The following PLD5 variants were observed in gnomAD, a reference collection of about 807,000 sequenced individuals.
PLD5 encodes the protein phospholipase D family member 5.
In PLD5, 36 loss-of-function variants were observed where a neutral mutation model predicts 61.1. The ratio of observed to expected loss-of-function variants is 0.59; its 90% CI spans 0.45 to 0.78. The LOEUF (loss-of-function observed/expected upper bound fraction) is 0.78, where lower values mean the gene tolerates loss of function less well. Among genes scored for constraint, PLD5 ranks in the 30% least tolerant of loss-of-function variants. PLD5 has a pLI of 0.00. For missense variants in PLD5, 515 were observed against 644.4 expected (o/e 0.80, Z 2.17); for synonymous variants, 243 against 242.8 (o/e 1.00, Z -0.01).
chr1:242,422,449 T>C (rs1226087020), intron 1 of PLD5, among the ~76,000 whole-genome samples: 1 of 152,188 alleles, frequency 6.6e-6, no homozygotes, highest in Non-Finnish European at 1.5e-5. Context: ...CTATAATAAA[T>C]TTCCTAGTAA....
At chr1:242,474,172 C>T (rs921315042) in intron 1 of PLD5, among the ~76,000 whole-genome samples, 2 of 152,212 alleles carry the variant, frequency 1.3e-5, no homozygotes, top group African/African-American at 4.8e-5. Flanking sequence ...TTTGCCATTA[C>T]TTGCAATGGC....
chr1:242,113,999 T>C lies in PLD5; in HGVS notation c.961A>G (p.Asn321Asp). The C allele has an allele frequency of 6.2e-7, 1 of 1,613,872 alleles. No individual in the cohort carries two copies. The highest frequency in any genetic ancestry group is 1.3e-5 in the African/African-American group (1 of 75,074). Residue 321 changes from asparagine (N) to aspartate (D), a missense_variant, in exon 7 of 10, where the codon AAC becomes GAC. Asn to Asp is a conservative substitution (Grantham distance 23). Coordinates refer to ENST00000536534, the MANE Select transcript of PLD5 (RefSeq NM_001372062.1). ...ATGGCATCTATGTCAAAACTTCTGT[T>C]TTTAGGGCAAAAGAGTTTTGGAGAA... ...SNSPKLFCPK[N>D]RSFDIDAIYS... is the part of the protein sequence containing the mutation.
At chr1:242,528,734 C>T (rs1400792573), upstream of PLD5, among the ~76,000 whole-genome samples, 1 of 152,176 alleles carries the variant, frequency 6.6e-6, no homozygotes, top group Non-Finnish European at 1.5e-5. Context: ...GTTAAATGAC[C>T]TGCCCAAAGC....
At chr1:242,184,843 T>C (rs768052221) in intron 5 of PLD5, among the ~76,000 whole-genome samples, 22 of 152,216 alleles carry the variant, frequency 1.4e-4, no homozygotes, top group Non-Finnish European at 1.9e-4. Context: ...CTTTGCTGTT[T>C]TTCCCGTAGG....
chr1:242,511,593 A>C (rs1668911036), intron 1 of PLD5, among the ~76,000 whole-genome samples: 1 of 151,916 alleles, frequency 6.6e-6, no homozygotes, highest in Non-Finnish European at 1.5e-5. Flanking sequence ...ATGATGAAAA[A>C]AAAAAATCAG....
intron 4 of PLD5, among the ~76,000 whole-genome samples, chr1:242,251,123 C>T (rs546106758): frequency 2.0e-5 from 3 of 152,154 alleles, no homozygotes; most frequent in African/African-American, 4.8e-5. Context: ...TGAGGTATTC[C>T]GTGAATATCC....
At chr1:242,113,781 A>G in intron 7 of PLD5, 109 bp downstream of exon 7, 1 of 1,359,014 alleles carries the variant, frequency 7.4e-7, no homozygotes, top group Non-Finnish European at 9.9e-7. Flanking sequence ...TGCTCTTCCT[A>G]AGGCAACCTG....
At chr1:242,170,031 C>A (rs1398923488) in intron 5 of PLD5, among the ~76,000 whole-genome samples, 2 of 152,206 alleles carry the variant, frequency 1.3e-5, no homozygotes, top group African/African-American at 4.8e-5. Flanking sequence ...ACGCCCCTGC[C>A]CAATGGCTCT....
At position 242,220,099 on chromosome 1, in the gene PLD5, G is replaced by C. The variant is rs748484479; in HGVS notation, c.624C>G (p.Tyr208Ter). ...ALKLKGAEVT[Y>*]MNMTAYNKGR... ...CCTTGTTGTAAGCGGTCATGTTCATGTACGTCACCTCGGCTCCTAGGAGTT... is the reference window on the plus strand; with the variant it reads ...CCTTGTTGTAAGCGGTCATGTTCATCTACGTCACCTCGGCTCCTAGGAGTT... Residue 208 changes from tyrosine (Y) to a stop codon, truncating the protein, a stop_gained, in exon 5 of 10, where the codon TAC (tyrosine) becomes TAG (stop). Transcript: ENST00000536534. LOFTEE classifies it high-confidence loss of function. 1.2e-6 allele frequency: 2 copies of C among 1,614,166 alleles called. No individual in the cohort carries two copies.
Position 242,085,468 on chromosome 1 carries a change from G to A in PLD5, c.*4386C>T, listed in dbSNP as rs999552256. 2 of 152,188 alleles carry A rather than the reference G, an allele frequency of 1.3e-5. No homozygotes were observed. The highest frequency in any genetic ancestry group is 2.9e-5 in the Non-Finnish European group (2 of 68,038). The allele number at this position is 152,188 out of a possible 1,614,324, so 9.4% of individuals were successfully genotyped here. ...AGGCTGCGAACTGGGGTTGATGTCAGGGCTATTCAAAAGCCTCCGTCCATT... is the reference window on the plus strand; with the variant it reads ...AGGCTGCGAACTGGGGTTGATGTCAAGGCTATTCAAAAGCCTCCGTCCATT... On this transcript the variant is annotated 3_prime_UTR_variant, in exon 10 of 10. Coordinates refer to ENST00000536534, the MANE Select transcript of PLD5 (RefSeq NM_001372062.1).
At chr1:242,514,008 A>G (rs1179618950) in intron 1 of PLD5, among the ~76,000 whole-genome samples, 1 of 152,188 alleles carries the variant, frequency 6.6e-6, no homozygotes, top group Non-Finnish European at 1.5e-5. Flanking sequence ...ATGGACCACT[A>G]AAAAAGATGC....
intron 1 of PLD5, among the ~76,000 whole-genome samples, chr1:242,441,188 G>GA (rs1313853426): frequency 2.6e-5 from 4 of 152,176 alleles, no homozygotes; most frequent in Non-Finnish European, 4.4e-5. Context: ...ATAATAGGAT[G>GA]CTAGTATAAA....
At chr1:242,499,573 G>T (rs544593178) in intron 1 of PLD5, among the ~76,000 whole-genome samples, 2 of 151,646 alleles carry the variant, frequency 1.3e-5, no homozygotes, top group Admixed American at 6.6e-5. Context: ...TTCTTACTTC[G>T]CATTTTGTCT....
intron 1 of PLD5, among the ~76,000 whole-genome samples, chr1:242,432,658 C>T (rs1036907731): frequency 1.3e-5 from 2 of 152,200 alleles, no homozygotes; most frequent in Admixed American, 1.3e-4. Context: ...GAAGACTCCC[C>T]TGGCATAAAG....
chr1:242,271,201 CAGAGAGAGAGAGAGAGAG>C (rs60075638), intron 3 of PLD5, among the ~76,000 whole-genome samples: 50 of 102,048 alleles, frequency 4.9e-4, no homozygotes, highest in African/African-American at 1.5e-3. Flanking sequence ...CACACACACA[CAGAGAGAGAGAGAGAGAG>C]AGAGAGAGAG....
chr1:242,150,322 A>C, intron 5 of PLD5, among the ~76,000 whole-genome samples: 1 of 151,746 alleles, frequency 6.6e-6, no homozygotes, highest in East Asian at 1.9e-4. Flanking sequence ...GGTTAGGTCA[A>C]GTTGTTGACA....
chr1:242,467,314 T>C (rs1667307759), intron 1 of PLD5, among the ~76,000 whole-genome samples: 3 of 152,064 alleles, frequency 2.0e-5, no homozygotes, highest in Non-Finnish European at 2.9e-5. Context: ...AAAATGGTAA[T>C]GTATATTCAG....
Position 242,178,373 on chromosome 1 carries a change from C to T in PLD5, c.735+41615G>A, listed in dbSNP as rs140653240. On this transcript the variant is annotated intron_variant, in intron 5 of 9. Transcript: ENST00000536534. ...GTCAGTTATCACAACTCAGTAAGTC[C>T]CAGCACAATGCACTTGCATTGCTCT... The T allele has an allele frequency of 2.0e-5, 3 of 152,288 alleles. No homozygotes were observed. The East Asian group carries it at 5.8e-4, about 29-fold the overall frequency. The allele number at this position is 152,288 out of a possible 1,614,324, so 9.4% of individuals were successfully genotyped here.
chr1:242,471,123 G>C (rs952304920), intron 1 of PLD5, among the ~76,000 whole-genome samples: 1 of 152,096 alleles, frequency 6.6e-6, no homozygotes. Flanking sequence ...CACCTCCTTA[G>C]ACTCCTTCCC....
Sources: allele counts gnomAD v4.1 joint callset (sites outside exome capture counted in the v4.1 genomes callset), GRCh38; gene constraint gnomAD v4.1.1; transcripts MANE v1.5; gene names NCBI Gene and HGNC (gene_info 2026-07-23, HGNC 2026-07-21).